MED13L: variants seen among roughly 807,000 people sequenced by gnomAD.
The protein encoded by MED13L is mediator complex subunit 13L, also known as mediator of RNA polymerase II transcription subunit 13-like.
MED13L carries 7 observed loss-of-function variants against 220.9 expected under a neutral mutation model. The ratio of observed to expected loss-of-function variants is 0.03; its 90% confidence interval spans 0.02 to 0.06. The LOEUF (loss-of-function observed/expected upper bound fraction) is 0.06, where lower values mean the gene tolerates loss of function less well. Ranked by LOEUF, MED13L falls within the 10% of genes least tolerant of loss-of-function variation. MED13L has a pLI of 1.00. For synonymous variants in MED13L, 1,011 were observed against 1,015.2 expected (o/e 1.00, Z 0.08); for missense variants, 1,965 against 2,760.5 (o/e 0.71, Z 6.46).
Position 116,268,602 on chromosome 12 carries a change from T to C in MED13L, c.72+8458A>G, listed in dbSNP as rs77750239. On this transcript the variant is annotated intron_variant, in intron 1 of 30. Coordinates refer to ENST00000281928, the MANE Select transcript of MED13L (RefSeq NM_015335.5). ...GGAGTTTGAAACCGCCTGAGCAACA[T>C]AGTGAGACCCTATCTCCCCTCCTCC... is the stretch of plus-strand genomic sequence containing the variant. 4.8e-3 allele frequency among the ~76,000 whole-genome samples: 723 copies of C among 151,208 alleles called. 4 individuals are homozygous for C. Among genetic ancestry groups the C allele is most frequent in the African/African-American group, 0.017 (697 of 41,178 alleles).
At position 116,276,739 on chromosome 12, in the gene MED13L, G is replaced by A. The variant is rs186264838; in HGVS notation, c.72+321C>T. 1.7e-4 allele frequency: 217 copies of A among 1,270,894 alleles called. No homozygotes were observed. In the African/African-American group the frequency reaches 3.0e-3, roughly 18 times the overall value. 78.7% of individuals were successfully genotyped at this position (1,270,894 alleles called of 1,614,324 possible). A position where few individuals can be genotyped will look rare whatever the true frequency, so the allele number is the denominator to read the frequency against. On this transcript the variant is annotated intron_variant, in intron 1 of 30. Coordinates refer to ENST00000281928, the MANE Select transcript of MED13L (RefSeq NM_015335.5). ...GGGAAAAAAAGGGGGGAAAGGGGAG[G>A]AGAAGGGGAGTGCGATTGCAACAGA... is the stretch of plus-strand genomic sequence containing the variant.
intron 2 of MED13L, among the ~76,000 whole-genome samples, chr12:116,120,498 C>T (rs1011930956): frequency 2.1e-5 from 3 of 145,568 alleles, no homozygotes; most frequent in Non-Finnish European, 4.5e-5. Flanking sequence ...CACACACACA[C>T]ACACACACAC....
chr12:116,105,356 A>G (rs1056206760), intron 3 of MED13L, among the ~76,000 whole-genome samples: 1 of 152,244 alleles, frequency 6.6e-6, no homozygotes, highest in African/African-American at 2.4e-5. Flanking sequence ...CAGAGACTCT[A>G]CATAAGTAAA....
chr12:116,069,452 T>A (rs1870204929), intron 4 of MED13L, among the ~76,000 whole-genome samples: 1 of 152,226 alleles, frequency 6.6e-6, no homozygotes, highest in South Asian at 2.1e-4. Flanking sequence ...TTCCTTTGCA[T>A]TTCTTTTAAG....
At chr12:116,155,707 T>C (rs1356362782) in intron 2 of MED13L, among the ~76,000 whole-genome samples, 1 of 152,150 alleles carries the variant, frequency 6.6e-6, no homozygotes, top group Non-Finnish European at 1.5e-5. Flanking sequence ...GTTCACACTT[T>C]TCTATAAACA....
chr12:116,230,999 T>C (rs553750663), intron 2 of MED13L, among the ~76,000 whole-genome samples: 7 of 152,336 alleles, frequency 4.6e-5, no homozygotes, highest in South Asian at 4.1e-4. Context: ...TAGTGTGACA[T>C]TGCCATTATA....
intron 7 of MED13L, among the ~76,000 whole-genome samples, chr12:116,019,023 T>C (rs572876589): frequency 1.2e-4 from 19 of 152,276 alleles, no homozygotes; most frequent in African/African-American, 4.3e-4. Context: ...TAAAGACTAA[T>C]ATGGACAGAG....
At position 115,987,313 on chromosome 12, in the gene MED13L, G is replaced by A. The variant is rs757444677; in HGVS notation, c.3935-25C>T. 4.4e-6 allele frequency: 7 copies of A among 1,605,260 alleles called. No individual in the cohort carries two copies. The African/African-American group carries it at 8.0e-5, about 18-fold the overall frequency. On this transcript the variant is annotated intron_variant, in intron 17 of 30. Coordinates refer to ENST00000281928, the MANE Select transcript of MED13L (RefSeq NM_015335.5). ...ACTGGAAGAGAAGTGAGAAGAAACA[G>A]AGAAGATAAGGGGGCTAGCACCCTC...
intron 2 of MED13L, among the ~76,000 whole-genome samples, chr12:116,178,436 A>C (rs1880245790): frequency 6.6e-6 from 1 of 152,220 alleles, no homozygotes; most frequent in Admixed American, 6.5e-5. Flanking sequence ...GTACCAGACA[A>C]TTCTGAAAAT....
chr12:116,084,301 C>CTTGT (rs1871454451), intron 4 of MED13L, among the ~76,000 whole-genome samples: 4 of 152,088 alleles, frequency 2.6e-5, no homozygotes, highest in Non-Finnish European at 5.9e-5. Flanking sequence ...GAATAATGCA[C>CTTGT]GACAGTACAT....
intron 2 of MED13L, among the ~76,000 whole-genome samples, chr12:116,165,259 CTTTTTTTTTTTT>C (rs34196219): frequency 4.0e-5 from 3 of 74,484 alleles, no homozygotes; most frequent in South Asian, 6.1e-4. Flanking sequence ...AGGCACCATC[CTTTTTTTTTTTT>C]TTTTTTTTTT....
intron 4 of MED13L, among the ~76,000 whole-genome samples, chr12:116,039,972 G>T (rs765273778): frequency 3.3e-5 from 5 of 152,280 alleles, no homozygotes; most frequent in Non-Finnish European, 7.4e-5. Flanking sequence ...AGAGACTGCA[G>T]ACGCACAGAA....
intron 1 of MED13L, among the ~76,000 whole-genome samples, chr12:116,245,886 C>T (rs1271890284): frequency 6.6e-6 from 1 of 152,050 alleles, no homozygotes; most frequent in Non-Finnish European, 1.5e-5. Flanking sequence ...CCCAGAAAAA[C>T]AGAATGTGAA....
At chr12:116,084,338 G>A (rs1486173376) in intron 4 of MED13L, among the ~76,000 whole-genome samples, 1 of 152,162 alleles carries the variant, frequency 6.6e-6, no homozygotes, top group African/African-American at 2.4e-5. Context: ...GAGCATACTC[G>A]TGTTCAAGTC....
chr12:116,134,999 C>T (rs561364029), intron 2 of MED13L, among the ~76,000 whole-genome samples: 1 of 152,074 alleles, frequency 6.6e-6, no homozygotes, highest in Admixed American at 6.5e-5. Flanking sequence ...GAAACCCTGC[C>T]GCTACTAAAA....
intron 2 of MED13L, among the ~76,000 whole-genome samples, chr12:116,124,952 T>C (rs577852192): frequency 2.2e-4 from 34 of 152,300 alleles, no homozygotes; most frequent in African/African-American, 7.9e-4. Flanking sequence ...AACCAAAATA[T>C]TGGAAAATAC....
intron 29 of MED13L, 49 bp downstream of exon 29, chr12:115,966,033 G>T: frequency 6.3e-7 from 1 of 1,594,618 alleles, no homozygotes; most frequent in Non-Finnish European, 8.6e-7. Context: ...TTAAATTTAA[G>T]CGTAAATCAC....
intron 1 of MED13L, chr12:116,276,723 AG>A (rs1395844397): frequency 1.6e-5 from 15 of 956,954 alleles, no homozygotes; most frequent in Non-Finnish European, 2.0e-5. Flanking sequence ...GGGGAAAAAA[AG>A]GGGGGAAAGG....
At chr12:116,007,798 T>C in intron 10 of MED13L, 162 bp from the exon 11 acceptor site, 1 of 663,206 alleles carries the variant, frequency 1.5e-6, no homozygotes. Flanking sequence ...TTGTCAAGAA[T>C]ATATGTTTTT....
Sources: allele counts gnomAD v4.1 joint callset (sites outside exome capture counted in the v4.1 genomes callset), GRCh38; gene constraint gnomAD v4.1.1; transcripts MANE v1.5; gene names NCBI Gene and HGNC (gene_info 2026-07-23, HGNC 2026-07-21).